Variants in NRXN3 observed in about 807,000 individuals in gnomAD.
NRXN3 encodes the protein neurexin III.
In NRXN3, 32 loss-of-function variants were observed where a neutral mutation model predicts 137.6. The observed-to-expected ratio is 0.23, with a 90% CI of 0.18 to 0.31. The LOEUF (loss-of-function observed/expected upper bound fraction) is 0.31. Ranked by LOEUF, NRXN3 falls within the 10% of genes least tolerant of loss-of-function variation. The pLI is 1.00. For synonymous variants in NRXN3, 798 were observed against 784.5 expected, an observed-to-expected ratio of 1.02 and a Z score of -0.29; for missense variants, 1,574 against 2,062.5, an observed-to-expected ratio of 0.76 and a Z score of 4.59.
intron 4 of NRXN3, among the ~76,000 whole-genome samples, chr14:78,618,236 C>A (rs563247587): frequency 3.3e-5 from 5 of 151,786 alleles, no homozygotes; most frequent in East Asian, 3.9e-4. Context: ...TCCAGGCCAC[C>A]ACTTACAGAG....
chr14:78,902,157 T>C (rs1395318445), intron 10 of NRXN3, among the ~76,000 whole-genome samples: 1 of 152,064 alleles, frequency 6.6e-6, no homozygotes, highest in Non-Finnish European at 1.5e-5. Context: ...TGCAAAAGAA[T>C]TCTGTTTTCT....
intron 4 of NRXN3, among the ~76,000 whole-genome samples, chr14:78,393,928 T>G (rs2091112631): frequency 6.6e-6 from 1 of 151,998 alleles, no homozygotes; most frequent in African/African-American, 2.4e-5. Flanking sequence ...TACAACAGAC[T>G]TTTGTACGTT....
At chr14:78,197,156 T>C (rs2061304645) in intron 1 of NRXN3, among the ~76,000 whole-genome samples, 1 of 152,222 alleles carries the variant, frequency 6.6e-6, no homozygotes, top group Admixed American at 6.5e-5. Context: ...GCTCTGTGAA[T>C]ACCAACGCCA....
chr14:78,675,287 A>C lies in NRXN3; in HGVS notation c.1221+23961A>C, dbSNP rs115459096. The stretch of plus-strand genomic sequence containing the variant: ...CAAATCAGCCCCCAGGTCATCTTAT[A>C]GCAACAAAAGCCTGGGCAAGAATTA... On this transcript the variant is annotated intron_variant, in intron 6 of 20. Transcript: ENST00000335750. 8.5e-3 allele frequency among the ~76,000 whole-genome samples: 1,292 copies of C among 152,326 alleles called. 25 individuals carry two copies. The highest frequency in any genetic ancestry group is 0.03 in the African/African-American group (1,240 of 41,576).
At chr14:79,011,396 C>G (rs1244492946) in intron 15 of NRXN3, among the ~76,000 whole-genome samples, 6 of 130,182 alleles carry the variant, frequency 4.6e-5, no homozygotes, top group Non-Finnish European at 9.7e-5. Context: ...CCACCTCCCC[C>G]CAACCCCACC....
chr14:79,108,122 A>T (rs568185494), intron 15 of NRXN3, among the ~76,000 whole-genome samples: 6 of 152,274 alleles, frequency 3.9e-5, no homozygotes, highest in African/African-American at 1.4e-4. Context: ...GTATATGTAT[A>T]TTAATGTGTA....
At chr14:78,305,933 G>C (rs2077328276) in intron 4 of NRXN3, among the ~76,000 whole-genome samples, 2 of 152,122 alleles carry the variant, frequency 1.3e-5, no homozygotes, top group Admixed American at 1.3e-4. Flanking sequence ...AACATAAAAA[G>C]TAAATTGCTT....
intron 15 of NRXN3, among the ~76,000 whole-genome samples, chr14:79,436,331 CT>C (rs898496780): frequency 6.6e-6 from 1 of 152,162 alleles, no homozygotes; most frequent in Non-Finnish European, 1.5e-5. Flanking sequence ...AATAAAAACA[CT>C]TTTCCTTTCC....
intron 4 of NRXN3, among the ~76,000 whole-genome samples, chr14:78,449,012 A>G (rs987877716): frequency 2.0e-5 from 3 of 152,152 alleles, no homozygotes; most frequent in Admixed American, 2.0e-4. Flanking sequence ...GCGCGGAGAG[A>G]GTGAGCACTC....
At chr14:78,510,110 T>C (rs2096074816) in intron 4 of NRXN3, among the ~76,000 whole-genome samples, 1 of 151,272 alleles carries the variant, frequency 6.6e-6, no homozygotes. Context: ...CAAGGGTAGC[T>C]TTAGAGACAG....
At chr14:78,790,130 T>C (rs1442057472) in intron 8 of NRXN3, among the ~76,000 whole-genome samples, 2 of 152,088 alleles carry the variant, frequency 1.3e-5, no homozygotes, top group Non-Finnish European at 2.9e-5. Flanking sequence ...TAAAATTCAG[T>C]GGTAAAAATT....
chr14:78,314,164 G>A (rs978781577), intron 4 of NRXN3, among the ~76,000 whole-genome samples: 4 of 152,138 alleles, frequency 2.6e-5, no homozygotes, highest in Admixed American at 6.5e-5. Flanking sequence ...TGTTGAGATA[G>A]CATGTTGACA....
intron 19 of NRXN3, among the ~76,000 whole-genome samples, chr14:79,698,877 G>A (rs1053555491): frequency 1.3e-5 from 2 of 151,930 alleles, no homozygotes; most frequent in Non-Finnish European, 2.9e-5. Context: ...CCTTTACACT[G>A]ACTCCAATGG....
At chr14:79,830,688 G>A (rs1385637480) in intron 20 of NRXN3, among the ~76,000 whole-genome samples, 1 of 152,264 alleles carries the variant, frequency 6.6e-6, no homozygotes, top group African/African-American at 2.4e-5. Flanking sequence ...AGGAAAACGT[G>A]TTCATTTTTC....
At chr14:79,207,347 A>C (rs925480277) in intron 15 of NRXN3, among the ~76,000 whole-genome samples, 25 of 152,204 alleles carry the variant, frequency 1.6e-4, no homozygotes, top group African/African-American at 5.8e-4. Flanking sequence ...TCTTCGAAAA[A>C]CACTAGCTTC....
In NRXN3 at chr14:79,663,758, T is replaced by G. The variant is rs2098545545; in HGVS notation, c.3445-20T>G. 1 of 1,608,252 alleles carries G rather than the reference T, an allele frequency of 6.2e-7. No homozygotes were observed. Reference sequence around the variant, plus strand: ...TTCGTGGTTGGTGATAACTATGCCTTTTGTGTTTCTTTATTATAGGAACAG... The same window carrying G: ...TTCGTGGTTGGTGATAACTATGCCTGTTGTGTTTCTTTATTATAGGAACAG... On this transcript the variant is annotated intron_variant, in intron 16 of 20. Transcript: ENST00000335750.
intron 16 of NRXN3, among the ~76,000 whole-genome samples, chr14:79,522,647 GA>G (rs1330617408): frequency 6.6e-6 from 1 of 152,088 alleles, no homozygotes; most frequent in Admixed American, 6.6e-5. Context: ...GGATCCCATG[GA>G]AACCTTTACA....
At chr14:78,622,067 G>A (rs1012826664) in intron 4 of NRXN3, among the ~76,000 whole-genome samples, 16 of 152,144 alleles carry the variant, frequency 1.1e-4, no homozygotes, top group Admixed American at 6.5e-5. Flanking sequence ...GGCAACTAAG[G>A]AAGTTATGTT....
chr14:78,396,056 T>C (rs960678185), intron 4 of NRXN3, among the ~76,000 whole-genome samples: 3 of 152,088 alleles, frequency 2.0e-5, no homozygotes, highest in Non-Finnish European at 4.4e-5. Context: ...CTCTTTTCTT[T>C]TTCTGCCTTC....
Sources: allele counts gnomAD v4.1 joint callset (sites outside exome capture counted in the v4.1 genomes callset), GRCh38; gene constraint gnomAD v4.1.1; transcripts MANE v1.5; gene names NCBI Gene and HGNC (gene_info 2026-07-23, HGNC 2026-07-21).